The following PTK6 variants were observed in gnomAD, a reference collection of about 807,000 sequenced individuals.
The protein encoded by PTK6 is protein-tyrosine kinase 6.
Under a neutral mutation model 47.5 loss-of-function variants are expected in PTK6, and 47 were observed. That is an observed-to-expected ratio of 0.99 (90% CI 0.78 to 1.26). The LOEUF is 1.26. Ranked by LOEUF, PTK6 falls within the 50% of genes most tolerant of loss-of-function variation. The pLI, the probability that PTK6 is intolerant of heterozygous loss-of-function variation, is 0.00. For missense variants in PTK6, 618 were observed against 625.3 expected (o/e 0.99, Z 0.12); for synonymous variants, 287 against 276.5 (o/e 1.04, Z -0.38).
Position 63,536,987 on chromosome 20 carries a change from C to A in PTK6, c.230+98G>T, listed in dbSNP as rs1600940381. 5 of 1,324,896 alleles carry A rather than the reference C, an allele frequency of 3.8e-6. No individual in the cohort carries two copies. In the East Asian group the frequency reaches 1.0e-4, roughly 27 times the overall value. The allele number at this position is 1,324,896 out of a possible 1,614,324, so 82.1% of individuals were successfully genotyped here. A position where few individuals can be genotyped will look rare whatever the true frequency, so the allele number is the denominator to read the frequency against. On this transcript the variant is annotated intron_variant, in intron 1 of 7. Coordinates refer to ENST00000542869, the MANE Select transcript of PTK6 (RefSeq NM_005975.4). ...TGCAGGAAGATGGAACCGGGGTCCCCACCTTCTTGGGCCTCCCTGAGCAGC... is the reference window on the plus strand; with the variant it reads ...TGCAGGAAGATGGAACCGGGGTCCCAACCTTCTTGGGCCTCCCTGAGCAGC...
Position 63,537,209 on chromosome 20 carries a change from G to A in PTK6, c.106C>T (p.His36Tyr). The change falls in exon 1 of 8, where the codon CAC (histidine) becomes TAC (tyrosine). Residue 36 changes from histidine (H) to tyrosine (Y), a missense_variant. Coordinates refer to ENST00000542869, the MANE Select transcript of PTK6 (RefSeq NM_005975.4). The part of the protein sequence containing the change: ...ELSFRAGDVF[H>Y]VARKEEQWWW... ...CACTGCTCCTCCTTCCTGGCCACGT[G>A]GAAGACGTCCCCCGCGCGGAAGCTC... 1 of 1,612,384 alleles carries A rather than the reference G, an allele frequency of 6.2e-7. No homozygotes were observed. Among genetic ancestry groups the A allele is most frequent in the South Asian group, 1.1e-5 (1 of 90,986 alleles).
chr20:63,529,673 G>C lies in PTK6; in HGVS notation c.1219C>G (p.Pro407Ala), dbSNP rs998303469. 2 of 1,546,614 alleles carry C rather than the reference G, an allele frequency of 1.3e-6. No individual in the cohort carries two copies. Among genetic ancestry groups the C allele is most frequent in the African/African-American group, 2.7e-5 (2 of 72,750 alleles). Residue 407 changes from proline to alanine, a missense_variant, in exon 8 of 8, where the codon CCC becomes GCC. Transcript: ENST00000542869. The surrounding 1 kb of genome is among the most constrained non-coding windows in gnomAD (Gnocchi z 5.6). ...CTGGGCGGGCACTCCAGAGGGCAGG[G>C]CATGCGGTAGCCGGCGTCCACCCTC... ...FLRVDAGYRM[P>A]CPLECPPSVH...
In PTK6 at chr20:63,530,294, G is replaced by C; in HGVS notation, c.1015-63C>G. 2 of 1,588,492 alleles carry C rather than the reference G, an allele frequency of 1.3e-6. No homozygotes were observed. Among genetic ancestry groups the C allele is most frequent in the Non-Finnish European group, 1.7e-6 (2 of 1,162,364 alleles). On this transcript the variant is annotated intron_variant, in intron 6 of 7. Transcript: ENST00000542869. This position sits in a 1 kb window ranked among gnomAD's most constrained non-coding sequence, Gnocchi z 4.1. The stretch of plus-strand genomic sequence containing the variant: ...GCCTGTGCCCTGCCCCCGAAGCATG[G>C]ACGGGCACAGCGGCCGCATTGCCCC...
chr20:63,534,919 T>C lies in PTK6; in HGVS notation c.352+19A>G. 1 of 1,582,408 alleles carries C rather than the reference T, an allele frequency of 6.3e-7. No individual in the cohort carries two copies. The highest frequency in any genetic ancestry group is 1.1e-5 in the South Asian group (1 of 89,192). On this transcript the variant is annotated intron_variant, in intron 2 of 7. Transcript: ENST00000542869. The stretch of plus-strand genomic sequence containing the variant: ...GGAGCCCCCGCAGGCAAGCACAGGC[T>C]CGGAGGCCGGGGCCGCACCCGACAG...
At chr20:63,532,720 C>G in intron 4 of PTK6, 33 bp from the exon 5 acceptor site, 1 of 1,604,604 alleles carries the variant, frequency 6.2e-7, no homozygotes, top group Non-Finnish European at 8.5e-7. Context: ...TGGATGCAGC[C>G]CCTGACCCCC....
At chr20:63,531,790 C>T (rs895945994) in intron 5 of PTK6, among the ~76,000 whole-genome samples, 2 of 152,180 alleles carry the variant, frequency 1.3e-5, no homozygotes, top group African/African-American at 4.8e-5. Flanking sequence ...CAGCGGCTTG[C>T]GGCCTGGTGG....
At chr20:63,534,004 G>T in intron 3 of PTK6, 148 bp downstream of exon 3, 1 of 1,218,128 alleles carries the variant, frequency 8.2e-7, no homozygotes, top group Non-Finnish European at 1.1e-6. Context: ...CCTGTGCTCT[G>T]CAGAACCATG....
intron 5 of PTK6, among the ~76,000 whole-genome samples, chr20:63,531,338 G>T (rs1474872931): frequency 2.6e-4 from 39 of 148,058 alleles, no homozygotes; most frequent in African/African-American, 8.9e-4. Flanking sequence ...GGAGAATGGC[G>T]TGAACCCGGG....
At chr20:63,536,387 C>T (rs962043611) in intron 1 of PTK6, among the ~76,000 whole-genome samples, 7 of 148,892 alleles carry the variant, frequency 4.7e-5, no homozygotes, top group Non-Finnish European at 8.9e-5. Context: ...CCCTGCCCGA[C>T]GGCCTCTTTA....
Position 63,537,090 on chromosome 20 carries a change from C to A in PTK6, c.225G>T (p.Ser75=), listed in dbSNP as rs756045927. The part of the protein sequence containing the change: ...NYLAERETVE[S]EPWFFGCISR... Reference sequence around the variant, plus strand: ...CAGCAGCCTAGGACACGCACGGTTCCGACTCCACCGTCTCCCTCTCGGCCA... The same window carrying A: ...CAGCAGCCTAGGACACGCACGGTTCAGACTCCACCGTCTCCCTCTCGGCCA... The change falls in exon 1 of 8, where the codon TCG becomes TCT. Residue 75 remains serine, a synonymous_variant. Coordinates refer to ENST00000542869, the MANE Select transcript of PTK6 (RefSeq NM_005975.4). 3 of 1,608,460 alleles carry A rather than the reference C, an allele frequency of 1.9e-6. No homozygotes were observed. The highest frequency in any genetic ancestry group is 2.5e-6 in the Non-Finnish European group (3 of 1,178,138).
Position 63,537,091 on chromosome 20 carries a change from G to T in PTK6, c.224C>A (p.Ser75Ter). 1 of 1,608,862 alleles carries T rather than the reference G, an allele frequency of 6.2e-7. No individual in the cohort carries two copies. The highest frequency in any genetic ancestry group is 8.5e-7 in the Non-Finnish European group (1 of 1,178,278). ...AGCAGCCTAGGACACGCACGGTTCC[G>T]ACTCCACCGTCTCCCTCTCGGCCAG... Reference protein sequence around the residue: ...NYLAERETVESEPWFFGCISR... With the variant: ...NYLAERETVE Residue 75 changes from serine to a stop codon, truncating the protein, a stop_gained, in exon 1 of 8, where the codon TCG becomes TAG. Transcript: ENST00000542869. LOFTEE classifies it high-confidence loss of function.
At chr20:63,535,426 A>C (rs1360930130) in intron 1 of PTK6, among the ~76,000 whole-genome samples, 2 of 149,882 alleles carry the variant, frequency 1.3e-5, no homozygotes, top group Non-Finnish European at 2.9e-5. Flanking sequence ...ACAGTCACAA[A>C]CCCCCACACA....
Position 63,529,417 on chromosome 20 carries a change from T to C in PTK6, c.*119A>G, listed in dbSNP as rs2082600879. The C allele has an allele frequency of 8.8e-7, 1 of 1,140,758 alleles. No homozygotes were observed. Among genetic ancestry groups the C allele is most frequent in the Admixed American group, 3.2e-5 (1 of 31,230 alleles). 70.7% of individuals were successfully genotyped at this position (1,140,758 alleles called of 1,614,324 possible). On this transcript the variant is annotated 3_prime_UTR_variant, in exon 8 of 8. Coordinates refer to ENST00000542869, the MANE Select transcript of PTK6 (RefSeq NM_005975.4). This position sits in a 1 kb window ranked among gnomAD's most constrained non-coding sequence, Gnocchi z 5.6. Reference sequence around the variant, plus strand: ...CGCAGACACTCCACATTTGTGAACCTTTCCTGCACCCATCACCTCAGTAAA... The same window carrying C: ...CGCAGACACTCCACATTTGTGAACCCTTCCTGCACCCATCACCTCAGTAAA...
At position 63,529,385 on chromosome 20, in the gene PTK6, T is replaced by A; in HGVS notation, c.*151A>T. On this transcript the variant is annotated 3_prime_UTR_variant, in exon 8 of 8. Transcript: ENST00000542869. This position sits in a 1 kb window ranked among gnomAD's most constrained non-coding sequence, Gnocchi z 5.6. ...GAGTAAGGAGAGGAGCACACGCGTG[T>A]ATTGGACGCAGACACTCCACATTTG... 1 of 833,918 alleles carries A rather than the reference T, an allele frequency of 1.2e-6. No individual in the cohort carries two copies. Among genetic ancestry groups the A allele is most frequent in the Non-Finnish European group, 1.8e-6 (1 of 566,042 alleles). The allele number at this position is 833,918 out of a possible 1,614,324, so 51.7% of individuals were successfully genotyped here.
intron 1 of PTK6, 32 bp from the exon 2 acceptor site, chr20:63,535,091 C>G (rs1285887901): frequency 6.4e-7 from 1 of 1,568,658 alleles, no homozygotes; most frequent in South Asian, 1.2e-5. Context: ...ACACGCGGAC[C>G]TGGGCCCACC....
Position 63,531,462 on chromosome 20 carries a change from AT to A in PTK6, c.833-536del, listed in dbSNP as rs376330945. Among the ~76,000 whole-genome samples, 224 of 112,280 alleles carry A rather than the reference AT, an allele frequency of 2.0e-3. 15 individuals carry two copies. Among genetic ancestry groups the A allele is most frequent in the East Asian group, 8.0e-3 (24 of 3,016 alleles). 73.7% of individuals were successfully genotyped at this position (112,280 alleles called of 152,430 possible). A position where few individuals can be genotyped will look rare whatever the true frequency, so the allele number is the denominator to read the frequency against. On this transcript the variant is annotated intron_variant, in intron 5 of 7. Coordinates refer to ENST00000542869, the MANE Select transcript of PTK6 (RefSeq NM_005975.4). ...AATATATATATATATATATATATATATAATTAGCTGGGCGTGGTGACAGGTG... is the reference window on the plus strand; with the variant it reads ...AATATATATATATATATATATATATAAATTAGCTGGGCGTGGTGACAGGTG...
chr20:63,532,718 GC>G, intron 4 of PTK6, 31 bp from the exon 5 acceptor site: 1 of 1,606,060 alleles, frequency 6.2e-7, no homozygotes, highest in African/African-American at 1.3e-5. Context: ...GGTGGATGCA[GC>G]CCCTGACCCC....
In PTK6 at chr20:63,533,464, C is replaced by T. The variant is rs549874658; in HGVS notation, c.670+87G>A. 25 of 1,454,894 alleles carry T rather than the reference C, an allele frequency of 1.7e-5. No individual in the cohort carries two copies. Among genetic ancestry groups the T allele is most frequent in the Admixed American group, 7.2e-5 (3 of 41,426 alleles). 90.1% of individuals were successfully genotyped at this position (1,454,894 alleles called of 1,614,324 possible). On this transcript the variant is annotated intron_variant, in intron 4 of 7. Transcript: ENST00000542869. This position sits in a 1 kb window ranked among gnomAD's most constrained non-coding sequence, Gnocchi z 4.0. ...GACGCTGTGGGTGCTGCTTGGGGCT[C>T]GAGGCCAGAGGTCCCTGTTGGCGGG... is the stretch of plus-strand genomic sequence containing the variant.
intron 2 of PTK6, 110 bp from the exon 3 acceptor site, chr20:63,534,425 T>C (rs2082648720): frequency 2.0e-5 from 28 of 1,369,906 alleles, no homozygotes; most frequent in Non-Finnish European, 2.7e-5. Flanking sequence ...ACAGTTGCTG[T>C]TGGTGCTTCC....
Sources: allele counts gnomAD v4.1 joint callset (sites outside exome capture counted in the v4.1 genomes callset), GRCh38; gene constraint gnomAD v4.1.1; non-coding constraint Gnocchi (gnomAD v3.1); transcripts MANE v1.5; gene names NCBI Gene and HGNC (gene_info 2026-07-23, HGNC 2026-07-21).